RSF1: variants seen among roughly 807,000 people sequenced by gnomAD.
RSF1 encodes the protein remodeling and spacing factor 1, also known as HBV pX-associated protein 8.
A neutral mutation model predicts 145.2 loss-of-function variants in RSF1; 13 were observed. The ratio of observed to expected loss-of-function variants is 0.09; its 90% CI spans 0.06 to 0.14. RSF1 has a LOEUF of 0.14. RSF1 is among the 10% of genes least tolerant of loss of function. The pLI, the probability that RSF1 is intolerant of heterozygous loss-of-function variation, is 1.00. For missense variants in RSF1, 1,517 were observed against 1,718.2 expected (o/e 0.88, Z 2.07); for synonymous variants, 577 against 592.6 (o/e 0.97, Z 0.38).
intron 1 of RSF1, among the ~76,000 whole-genome samples, chr11:77,775,907 G>A (rs1948337514): frequency 6.6e-6 from 1 of 152,070 alleles, no homozygotes; most frequent in African/African-American, 2.4e-5. Flanking sequence ...CATGTAACTG[G>A]GACCACAGGC....
chr11:77,847,318 G>A, the RSF1 span, among the ~76,000 whole-genome samples: 1 of 152,110 alleles, frequency 6.6e-6, no homozygotes, highest in African/African-American at 2.4e-5. Context: ...ATTTTTATCT[G>A]GCATTTGGTT....
chr11:77,726,135 C>T (rs916220469), intron 4 of RSF1, among the ~76,000 whole-genome samples: 1 of 152,162 alleles, frequency 6.6e-6, no homozygotes, highest in Non-Finnish European at 1.5e-5. Context: ...GCATTTGACA[C>T]TGCTACAAAA....
Position 77,700,943 on chromosome 11 carries a change from T to C in RSF1, c.2286A>G (p.Thr762=), listed in dbSNP as rs774175047. 4 of 1,613,212 alleles carry C rather than the reference T, an allele frequency of 2.5e-6. No individual in the cohort carries two copies. The South Asian group carries it at 4.4e-5, about 18-fold the overall frequency. ...VLEPENKQEK[T]EKEEEKTNVG... ...CATTTGTTTTCTCCTCTTCCTTTTC[T>C]GTCTTCTCTTGCTTGTTTTCTGGTT... The change falls in exon 6 of 16, where the codon ACA becomes ACG. Residue 762 remains threonine (T), a synonymous_variant. Transcript: ENST00000308488.
At chr11:77,713,192 C>A (rs999994152) in intron 5 of RSF1, among the ~76,000 whole-genome samples, 1 of 152,008 alleles carries the variant, frequency 6.6e-6, no homozygotes, top group Non-Finnish European at 1.5e-5. Context: ...GATGTTTTGT[C>A]AGTCATTTTG....
intron 4 of RSF1, among the ~76,000 whole-genome samples, chr11:77,735,349 A>T (rs961006296): frequency 3.9e-5 from 6 of 152,212 alleles, no homozygotes; most frequent in Non-Finnish European, 5.9e-5. Flanking sequence ...CAACTATGTA[A>T]AATTATCCCT....
chr11:77,781,546 C>G (rs1948404568), intron 1 of RSF1, among the ~76,000 whole-genome samples: 2 of 152,148 alleles, frequency 1.3e-5, no homozygotes, highest in Non-Finnish European at 2.9e-5. Context: ...TAAGAAACTC[C>G]CAAACATTTT....
chr11:77,676,704 C>A, intron 13 of RSF1, 88 bp downstream of exon 13: 1 of 1,084,604 alleles, frequency 9.2e-7, no homozygotes, highest in South Asian at 1.8e-5. Context: ...GAAGAAAACC[C>A]TCATCACAGC....
In RSF1 at chr11:77,665,796, A is replaced by G. The variant is rs1210781183; in HGVS notation, c.*1121T>C. On this transcript the variant is annotated 3_prime_UTR_variant, in exon 16 of 16. Transcript: ENST00000308488. ...CACACGCACACACACAAACACACACACACGCTAAAACTCAAACTAAAAACC... is the reference window on the plus strand; with the variant it reads ...CACACGCACACACACAAACACACACGCACGCTAAAACTCAAACTAAAAACC... The G allele has an allele frequency of 6.6e-6, 1 of 152,130 alleles. No individual in the cohort carries two copies. Among genetic ancestry groups the G allele is most frequent in the African/African-American group, 2.4e-5 (1 of 41,402 alleles). 9.4% of individuals were successfully genotyped at this position (152,130 alleles called of 1,614,324 possible).
At chr11:77,868,879 A>G in the RSF1 span, 1 of 191,820 alleles carries the variant, frequency 5.2e-6, no homozygotes, top group Non-Finnish European at 1.1e-5. Flanking sequence ...CACACATTTC[A>G]GGAAGCTCTA....
intron 4 of RSF1, among the ~76,000 whole-genome samples, chr11:77,735,364 G>A (rs552756572): frequency 6.6e-6 from 1 of 152,028 alleles, no homozygotes; most frequent in South Asian, 2.1e-4. Flanking sequence ...ATCCCTTTTT[G>A]GTGGATTCTC....
intron 1 of RSF1, among the ~76,000 whole-genome samples, chr11:77,796,378 TTCA>T (rs1948572419): frequency 6.6e-6 from 1 of 152,186 alleles, no homozygotes; most frequent in African/African-American, 2.4e-5. Flanking sequence ...ATAAACGTAA[TTCA>T]TCACATAAAC....
In RSF1 at chr11:77,737,361, C is replaced by T. The variant is rs12293537; in HGVS notation, c.578+3370G>A. On this transcript the variant is annotated intron_variant, in intron 4 of 15. Transcript: ENST00000308488. ...TACTCAGGAGGCTGAGGCAGAAGAA[C>T]GGCTTGAACCCGGGAGGCAGAATTT... Among the ~76,000 whole-genome samples, 227 of 151,522 alleles carry T rather than the reference C, an allele frequency of 1.5e-3. 1 individual carries two copies. The highest frequency in any genetic ancestry group is 5.3e-3 in the African/African-American group (218 of 41,300).
the RSF1 span, among the ~76,000 whole-genome samples, chr11:77,838,908 G>A: frequency 2.6e-5 from 4 of 152,220 alleles, no homozygotes; most frequent in East Asian, 1.9e-4. Flanking sequence ...GAGCCACCGC[G>A]CCCAGCAATA....
chr11:77,841,202 C>T, the RSF1 span: 7 of 702,294 alleles, frequency 1.0e-5, no homozygotes, highest in South Asian at 5.9e-5. Flanking sequence ...GTGGAACCCT[C>T]ATGGCCTAAT....
At chr11:77,832,720 A>C in the RSF1 span, among the ~76,000 whole-genome samples, 2 of 150,166 alleles carry the variant, frequency 1.3e-5, no homozygotes, top group African/African-American at 2.4e-5. Context: ...AAGTCCTCCT[A>C]CTCCCCAGTT....
chr11:77,677,230 A>AT (rs984248608), intron 12 of RSF1, among the ~76,000 whole-genome samples: 1 of 152,108 alleles, frequency 6.6e-6, no homozygotes, highest in Non-Finnish European at 1.5e-5. Flanking sequence ...CGTTTTTTAA[A>AT]TTTTTATATA....
chr11:77,779,094 C>T lies in RSF1; in HGVS notation c.188-14405G>A, dbSNP rs189182973. 9.9e-5 allele frequency among the ~76,000 whole-genome samples: 15 copies of T among 152,226 alleles called. No individual in the cohort carries two copies. The East Asian group carries it at 2.7e-3, about 28-fold the overall frequency. On this transcript the variant is annotated intron_variant, in intron 1 of 15. Transcript: ENST00000308488. ...AAGTAGCTGGGATTACAGACATGCA[C>T]CACCATGCCCAGCTAATTTTTGTAT...
chr11:77,766,467 C>A (rs1948227228), intron 1 of RSF1, among the ~76,000 whole-genome samples: 1 of 152,082 alleles, frequency 6.6e-6, no homozygotes, highest in Non-Finnish European at 1.5e-5. Context: ...TTTAATGAGC[C>A]TACTTGAGTG....
intron 4 of RSF1, among the ~76,000 whole-genome samples, chr11:77,737,649 T>TGTGTGTGTGTGTGTGA (rs1203153965): frequency 1.9e-4 from 23 of 122,838 alleles, no homozygotes; most frequent in Non-Finnish European, 3.5e-4. Context: ...TGTGTGTGTG[T>TGTGTGTGTGTGTGTGA]GTGTGTGTGT....
Sources: gnomAD v4.1 joint callset for allele counts (sites outside exome capture counted in the v4.1 genomes callset) on GRCh38, gnomAD v4.1.1 for gene constraint, MANE v1.5 for transcripts, NCBI Gene and HGNC (gene_info 2026-07-23, HGNC 2026-07-21) for gene names.